Variants in FMN2 observed in about 807,000 individuals in gnomAD.
FMN2 encodes formin-2.
FMN2 carries 51 observed loss-of-function variants against 142.3 expected under a neutral mutation model. The observed-to-expected ratio is 0.36, with a 90% CI of 0.29 to 0.45. The LOEUF (loss-of-function observed/expected upper bound fraction) is 0.45. Ranked by LOEUF, FMN2 falls within the 20% of genes least tolerant of loss-of-function variation. The pLI, the probability that FMN2 is intolerant of heterozygous loss-of-function variation, is 1.00. For missense variants in FMN2, 1,936 were observed against 2,122.8 expected (o/e 0.91, Z 1.73); for synonymous variants, 882 against 869.8 (o/e 1.01, Z -0.25).
intron 15 of FMN2, among the ~76,000 whole-genome samples, chr1:240,420,007 G>A (rs1674710921): frequency 6.6e-6 from 1 of 152,042 alleles, no homozygotes; most frequent in African/African-American, 2.4e-5. Context: ...TGGCTTTTTG[G>A]TTATTATGGT....
intron 2 of FMN2, among the ~76,000 whole-genome samples, chr1:240,154,101 T>G (rs867137571): frequency 1.8e-4 from 7 of 38,436 alleles, no homozygotes; most frequent in Non-Finnish European, 4.4e-4. Context: ...CAAAGTGAGA[T>G]TCCATCAAAA....
intron 2 of FMN2, among the ~76,000 whole-genome samples, chr1:240,126,740 A>G (rs1662524034): frequency 6.6e-6 from 1 of 152,186 alleles, no homozygotes; most frequent in South Asian, 2.1e-4. Flanking sequence ...GAAGCCAGGC[A>G]GTGTTTTAGG....
intron 6 of FMN2, among the ~76,000 whole-genome samples, chr1:240,213,979 A>G (rs1010409293): frequency 2.0e-5 from 3 of 152,234 alleles, no homozygotes; most frequent in African/African-American, 7.2e-5. Flanking sequence ...GAAATGAAGA[A>G]TATCTTGTAT....
At chr1:240,439,279 A>AAAAAAAAAAAAAAAAAAAAAAAAG (rs555074808) in intron 16 of FMN2, among the ~76,000 whole-genome samples, 1 of 124,724 alleles carries the variant, frequency 8.0e-6, no homozygotes, top group African/African-American at 3.1e-5. Flanking sequence ...TCAAAAAAAA[A>AAAAAAAAAAAAAAAAAAAAAAAAG]AAAGAAAGAA....
At chr1:240,244,094 T>C (rs536396775) in intron 6 of FMN2, among the ~76,000 whole-genome samples, 191 of 152,326 alleles carry the variant, frequency 1.3e-3, no homozygotes, top group Admixed American at 2.2e-3. Flanking sequence ...TTGAGTAATC[T>C]TATCTTTTTC....
chr1:240,133,378 C>T (rs1451956659), intron 2 of FMN2, among the ~76,000 whole-genome samples: 1 of 152,150 alleles, frequency 6.6e-6, no homozygotes, highest in Non-Finnish European at 1.5e-5. Context: ...CTTATGTGGC[C>T]AAGGCTGGTC....
intron 6 of FMN2, among the ~76,000 whole-genome samples, chr1:240,243,359 G>A (rs572492863): frequency 2.6e-5 from 4 of 152,288 alleles, no homozygotes; most frequent in Middle Eastern, 3.4e-3. Context: ...TCCAAATCAA[G>A]GTTATGAGAT....
Position 240,207,114 on chromosome 1 carries a change from C to T in FMN2, c.2302C>T (p.Pro768Ser), listed in dbSNP as rs1666386438. ...PPVDGLPGRP[P>S]CPPGAESGPQ... ...TGTGGATGGGCTGCCAGGGCGTCCT[C>T]CATGCCCCCCTGGGGCTGAAAGTGG... Residue 768 changes from proline (P) to serine (S), a missense_variant, in exon 5 of 18, where the codon CCA becomes TCA. Physicochemically the swap from Pro to Ser is moderately conservative, Grantham distance 74. Coordinates refer to ENST00000319653, the MANE Select transcript of FMN2 (RefSeq NM_020066.5). The T allele has an allele frequency of 1.2e-6, 2 of 1,614,126 alleles. No homozygotes were observed. Among genetic ancestry groups the T allele is most frequent in the Non-Finnish European group, 8.5e-7 (1 of 1,179,984 alleles).
intron 15 of FMN2, among the ~76,000 whole-genome samples, chr1:240,398,356 G>T (rs1673859621): frequency 6.6e-6 from 1 of 152,030 alleles, no homozygotes; most frequent in African/African-American, 2.4e-5. Context: ...GTAGTTCTTG[G>T]CTTGATATAA....
At chr1:240,170,487 C>G in intron 2 of FMN2, 2 of 1,480,494 alleles carry the variant, frequency 1.4e-6, no homozygotes, top group East Asian at 2.3e-5. Context: ...TGTCTAAATC[C>G]TAAAACTAAC....
At chr1:240,357,950 C>CT (rs33954136) in intron 14 of FMN2, among the ~76,000 whole-genome samples, 1 of 151,598 alleles carries the variant, frequency 6.6e-6, no homozygotes, top group Non-Finnish European at 1.5e-5. Flanking sequence ...CAGATATTAA[C>CT]TTTTTTTTTA....
intron 13 of FMN2, among the ~76,000 whole-genome samples, chr1:240,352,385 C>T (rs1304821231): frequency 2.6e-5 from 4 of 152,098 alleles, no homozygotes; most frequent in Non-Finnish European, 4.4e-5. Flanking sequence ...AGTTCAAGAA[C>T]ACCCTGGCCA....
intron 6 of FMN2, among the ~76,000 whole-genome samples, chr1:240,222,499 A>G (rs980263171): frequency 2.9e-5 from 4 of 138,544 alleles, no homozygotes; most frequent in African/African-American, 1.2e-4. Flanking sequence ...TATGAAATTT[A>G]AAGTAGTTTT....
chr1:240,157,118 A>C (rs1664057008), intron 2 of FMN2, among the ~76,000 whole-genome samples: 1 of 152,250 alleles, frequency 6.6e-6, no homozygotes, highest in African/African-American at 2.4e-5. Context: ...AGCTTACATT[A>C]TTTAATATGA....
At chr1:240,421,138 A>G (rs1362883109) in intron 15 of FMN2, among the ~76,000 whole-genome samples, 1 of 152,006 alleles carries the variant, frequency 6.6e-6, no homozygotes, top group African/African-American at 2.4e-5. Flanking sequence ...CTCACTCACT[A>G]CCCTGAAACA....
intron 15 of FMN2, among the ~76,000 whole-genome samples, chr1:240,431,423 T>TATATATATACAC (rs1491221486): frequency 3.1e-5 from 4 of 130,954 alleles, no homozygotes; most frequent in African/African-American, 1.1e-4. Context: ...TATATATATA[T>TATATATATACAC]ACATATATAT....
chr1:240,452,181 A>G (rs887299102), intron 16 of FMN2, among the ~76,000 whole-genome samples: 1 of 152,004 alleles, frequency 6.6e-6, no homozygotes, highest in Non-Finnish European at 1.5e-5. Context: ...ACAGAGCAAG[A>G]CTCTGTCTCA....
intron 8 of FMN2, among the ~76,000 whole-genome samples, chr1:240,312,579 A>T (rs1232364189): frequency 1.3e-5 from 2 of 152,218 alleles, no homozygotes; most frequent in African/African-American, 4.8e-5. Context: ...ATAATTGTTT[A>T]TGGCAGTTAG....
At chr1:240,165,887 C>T (rs1664462047) in intron 2 of FMN2, among the ~76,000 whole-genome samples, 1 of 151,846 alleles carries the variant, frequency 6.6e-6, no homozygotes. Context: ...GTTGGTAGGG[C>T]CAGTCTCTCT....
Sources: gnomAD v4.1 joint callset for allele counts (sites outside exome capture counted in the v4.1 genomes callset) on GRCh38, gnomAD v4.1.1 for gene constraint, MANE v1.5 for transcripts, NCBI Gene and HGNC (gene_info 2026-07-23, HGNC 2026-07-21) for gene names.